The following MYO16 variants were observed in gnomAD, a reference collection of about 807,000 sequenced individuals.
The protein encoded by MYO16 is unconventional myosin-XVI.
In MYO16, 94 loss-of-function variants were observed where a neutral mutation model predicts 205.3. The observed-to-expected ratio is 0.46, with a 90% CI of 0.39 to 0.54. MYO16 has a LOEUF of 0.54. MYO16 is among the 20% of genes least tolerant of loss of function. The pLI, the probability that MYO16 is intolerant of heterozygous loss-of-function variation, is 0.00. For missense variants in MYO16, 2,315 were observed against 2,387.5 expected (o/e 0.97, Z 0.63); for synonymous variants, 988 against 954.0 (o/e 1.04, Z -0.66).
At chr13:108,764,439 A>T (rs1231315386) in intron 4 of MYO16, among the ~76,000 whole-genome samples, 2 of 152,182 alleles carry the variant, frequency 1.3e-5, no homozygotes, top group African/African-American at 4.8e-5. Flanking sequence ...ATGCTTTGTA[A>T]AAAGCAGAGT....
chr13:108,909,085 T>C (rs1191538398), intron 15 of MYO16, among the ~76,000 whole-genome samples: 4 of 152,076 alleles, frequency 2.6e-5, no homozygotes, highest in African/African-American at 9.7e-5. Context: ...TTTCAAATGC[T>C]CCAGAAACAA....
At chr13:108,843,444 A>C (rs1280283243) in intron 9 of MYO16, among the ~76,000 whole-genome samples, 1 of 152,150 alleles carries the variant, frequency 6.6e-6, no homozygotes, top group Non-Finnish European at 1.5e-5. Context: ...ATCTCACTGA[A>C]CTAAACAACA....
intron 15 of MYO16, among the ~76,000 whole-genome samples, chr13:108,908,252 A>G (rs1331614590): frequency 3.9e-5 from 6 of 152,200 alleles, no homozygotes. Flanking sequence ...TGAAAGGAAT[A>G]TTTTGAAAGA....
intron 18 of MYO16, 131 bp downstream of exon 18, chr13:108,961,787 G>A (rs191344893): frequency 7.3e-6 from 5 of 684,764 alleles, no homozygotes; most frequent in Non-Finnish European, 7.7e-6. Context: ...ATTCAGTGAG[G>A]GGGGGAAATT....
chr13:109,154,626 C>T (rs1392086727), intron 32 of MYO16, among the ~76,000 whole-genome samples: 1 of 152,022 alleles, frequency 6.6e-6, no homozygotes, highest in Non-Finnish European at 1.5e-5. Flanking sequence ...CAACACGAAA[C>T]ACTCCCAACA....
At chr13:108,845,909 A>G (rs1566365824) in intron 10 of MYO16, among the ~76,000 whole-genome samples, 1 of 151,510 alleles carries the variant, frequency 6.6e-6, no homozygotes, top group East Asian at 2.0e-4. Flanking sequence ...GGGTCTCACT[A>G]TGTTGCCCAG....
At chr13:108,690,366 T>G (rs575359058) in intron 2 of MYO16, among the ~76,000 whole-genome samples, 1 of 42,362 alleles carries the variant, frequency 2.4e-5, no homozygotes, top group Non-Finnish European at 4.1e-5. Flanking sequence ...ATTTCCTACT[T>G]AAGAATGGGA....
Position 109,052,307 on chromosome 13 carries a change from A to C in MYO16, c.2880A>C (p.Glu960Asp). Residue 960 changes from glutamate to aspartate, a missense_variant, in exon 25 of 35, where the codon GAA (glutamate) becomes GAC (aspartate). Transcript: ENST00000457511. ...CATTTATTTATTTCCTAGCTAGTGA[A>C]AATGTCGTGATCAATCATTTGTTCC... ...QNLLFVMKTSENVVINHLFQS... is the reference protein window; with the variant it reads ...QNLLFVMKTSDNVVINHLFQS... The C allele has an allele frequency of 6.2e-7, 1 of 1,612,292 alleles. No homozygotes were observed. The highest frequency in any genetic ancestry group is 1.1e-5 in the South Asian group (1 of 90,892).
At chr13:108,619,519 A>G (rs1189794172) in intron 1 of MYO16, among the ~76,000 whole-genome samples, 1 of 152,098 alleles carries the variant, frequency 6.6e-6, no homozygotes, top group African/African-American at 2.4e-5. Context: ...CGAGGGTGTA[A>G]AAGTAAACAT....
intron 27 of MYO16, among the ~76,000 whole-genome samples, chr13:109,091,709 C>T (rs920287015): frequency 6.6e-6 from 1 of 152,216 alleles, no homozygotes; most frequent in Admixed American, 6.5e-5. Context: ...CCCTTCACCA[C>T]TCTCTTTCTC....
Position 109,113,302 on chromosome 13 carries a change from GGGAT to G in MYO16, c.3439-7064_3439-7061del, listed in dbSNP as rs151088034. Among the ~76,000 whole-genome samples the G allele has an allele frequency of 5.4e-3, 808 of 149,804 alleles. 7 individuals carry two copies. The highest frequency in any genetic ancestry group is 0.019 in the African/African-American group (769 of 40,526). On this transcript the variant is annotated intron_variant, in intron 28 of 34. Transcript: ENST00000457511. Reference sequence around the variant, plus strand: ...TTTTAGAGGGAAGGTGAGGGAGGGAGGGATGGAGAGAGGAAGAAGGAAGGGAGGA... The same window carrying G: ...TTTTAGAGGGAAGGTGAGGGAGGGAGGGAGAGAGGAAGAAGGAAGGGAGGA...
At chr13:109,063,012 A>C (rs1887637700) in intron 27 of MYO16, among the ~76,000 whole-genome samples, 1 of 152,182 alleles carries the variant, frequency 6.6e-6, no homozygotes, top group East Asian at 1.9e-4. Flanking sequence ...AAAAATCTTG[A>C]ACAACAACAA....
intron 27 of MYO16, among the ~76,000 whole-genome samples, chr13:109,058,202 A>G (rs1421134607): frequency 1.3e-5 from 2 of 152,096 alleles, no homozygotes; most frequent in Non-Finnish European, 2.9e-5. Flanking sequence ...TCTGGGGACA[A>G]TGTTTTTGTT....
chr13:108,965,702 G>A (rs367909546), intron 20 of MYO16, among the ~76,000 whole-genome samples: 6 of 152,130 alleles, frequency 3.9e-5, no homozygotes, highest in Non-Finnish European at 7.4e-5. Flanking sequence ...CACTGCGCCC[G>A]GCCCCTAAAC....
intron 1 of MYO16, among the ~76,000 whole-genome samples, chr13:108,612,336 A>G (rs914759509): frequency 1.3e-5 from 2 of 152,178 alleles, no homozygotes; most frequent in African/African-American, 4.8e-5. Flanking sequence ...AAAAGTAATA[A>G]TATCATTGAA....
At chr13:108,674,061 A>G (rs1882103028) in intron 2 of MYO16, among the ~76,000 whole-genome samples, 1 of 152,200 alleles carries the variant, frequency 6.6e-6, no homozygotes, top group Admixed American at 6.5e-5. Context: ...GATGATCAAT[A>G]TACATTGAAT....
intron 20 of MYO16, among the ~76,000 whole-genome samples, chr13:108,980,049 A>T (rs1388486693): frequency 6.6e-6 from 1 of 152,154 alleles, no homozygotes; most frequent in African/African-American, 2.4e-5. Context: ...CCTTAAGTAC[A>T]TGTTTTCAGG....
chr13:108,926,318 T>C (rs540475898), intron 16 of MYO16, among the ~76,000 whole-genome samples: 25 of 152,338 alleles, frequency 1.6e-4, no homozygotes, highest in African/African-American at 5.3e-4. Context: ...AGCTATTATC[T>C]ATTGTATTTG....
intron 23 of MYO16, among the ~76,000 whole-genome samples, chr13:109,027,570 G>A (rs573458426): frequency 6.6e-6 from 1 of 151,938 alleles, no homozygotes; most frequent in South Asian, 2.1e-4. Context: ...CCTGCCTGGG[G>A]CCCAGCTGGC....
Sources: gnomAD v4.1 joint callset for allele counts (sites outside exome capture counted in the v4.1 genomes callset) on GRCh38, gnomAD v4.1.1 for gene constraint, MANE v1.5 for transcripts, NCBI Gene and HGNC (gene_info 2026-07-23, HGNC 2026-07-21) for gene names.